Variants in CYFIP1 observed in about 807,000 individuals in gnomAD.
CYFIP1 encodes the protein cytoplasmic FMR1 interacting protein 1, also known as cytoplasmic FMR1-interacting protein 1.
Under a neutral mutation model 163.5 loss-of-function variants are expected in CYFIP1, and 58 were observed. That is an observed-to-expected ratio of 0.35 (90% CI 0.29 to 0.44). The LOEUF (loss-of-function observed/expected upper bound fraction) is 0.44. Among genes scored for constraint, CYFIP1 ranks in the 20% least tolerant of loss-of-function variants. The pLI is 1.00. For missense variants in CYFIP1, 1,338 were observed against 1,653.8 expected (o/e 0.81, Z 3.31); for synonymous variants, 663 against 660.7 (o/e 1.00, Z -0.05).
chr15:22,917,443 C>A lies in CYFIP1; in HGVS notation c.1674+345G>T, dbSNP rs2061025919. The A allele has an allele frequency of 5.5e-6, 3 of 549,220 alleles. No individual in the cohort carries two copies. Among genetic ancestry groups the A allele is most frequent in the Non-Finnish European group, 8.6e-6 (3 of 349,578 alleles). The allele number at this position is 549,220 out of a possible 1,614,324, so 34.0% of individuals were successfully genotyped here. ...CCCACGCCCCATCTACAGTCATTTGCAGACCCAACGTAAAAATTATACAGA... is the reference window on the plus strand; with the variant it reads ...CCCACGCCCCATCTACAGTCATTTGAAGACCCAACGTAAAAATTATACAGA... On this transcript the variant is annotated intron_variant, in intron 15 of 30. Transcript: ENST00000617928. This position sits in a 1 kb window ranked among gnomAD's most constrained non-coding sequence, Gnocchi z 4.2.
Position 22,870,038 on chromosome 15 carries a change from G to A in CYFIP1, c.3752C>T (p.Ala1251Val). 2 of 1,603,246 alleles carry A rather than the reference G, an allele frequency of 1.2e-6. No homozygotes were observed. Among genetic ancestry groups the A allele is most frequent in the Non-Finnish European group, 1.7e-6 (2 of 1,176,374 alleles). The change falls in exon 31 of 31, where the codon GCC (alanine) becomes GTC (valine). Residue 1251 changes from alanine to valine, a missense_variant. By Grantham distance (64) the Ala-to-Val change is moderately conservative (BLOSUM62 0). Coordinates refer to ENST00000617928, the MANE Select transcript of CYFIP1 (RefSeq NM_014608.6). ...GTGCAGCGCGTGCCCTCAGCTGCTG[G>A]CGAGGGACTGGTGGATGGGCGGCTG... ...CFQPPIHQSL[A>V]SS
chr15:22,934,584 A>G (rs1345517272), intron 9 of CYFIP1, among the ~76,000 whole-genome samples: 2 of 125,434 alleles, frequency 1.6e-5, no homozygotes, highest in Non-Finnish European at 3.1e-5. Flanking sequence ...TGCAACCTCT[A>G]CCTCCAGGGT....
At chr15:22,953,610 A>G (rs1460548302) in intron 1 of CYFIP1, among the ~76,000 whole-genome samples, 3 of 152,314 alleles carry the variant, frequency 2.0e-5, no homozygotes, top group Non-Finnish European at 1.5e-5. Context: ...GCCAGTGTCC[A>G]CTGCCCTTGG....
chr15:22,895,673 C>T lies in CYFIP1; in HGVS notation c.2589-2696G>A, dbSNP rs572872333. On this transcript the variant is annotated intron_variant, in intron 22 of 30. Coordinates refer to ENST00000617928, the MANE Select transcript of CYFIP1 (RefSeq NM_014608.6). Reference sequence around the variant, plus strand: ...GGGGCTGGCCACACCAGAAAGACAGCATGGGGTTAGAGGCCTGGGGCTGTG... The same window carrying T: ...GGGGCTGGCCACACCAGAAAGACAGTATGGGGTTAGAGGCCTGGGGCTGTG... Among the ~76,000 whole-genome samples, 49 of 152,288 alleles carry T rather than the reference C, an allele frequency of 3.2e-4. 2 individuals are homozygous for T. The South Asian group carries it at 9.3e-3, about 29-fold the overall frequency.
chr15:22,976,314 T>C (rs548142821), intron 1 of CYFIP1, among the ~76,000 whole-genome samples: 38 of 152,240 alleles, frequency 2.5e-4, no homozygotes, highest in African/African-American at 7.7e-4. Context: ...CACGCCACCA[T>C]GCCCAACTAA....
At chr15:22,908,315 G>C (rs2060652771) in intron 21 of CYFIP1, among the ~76,000 whole-genome samples, 1 of 151,992 alleles carries the variant, frequency 6.6e-6, no homozygotes, top group Admixed American at 6.6e-5. Context: ...GCCGAAAAAT[G>C]GGTGAGCGCC....
At chr15:22,901,681 C>T (rs185393785) in intron 22 of CYFIP1, among the ~76,000 whole-genome samples, 178 of 152,346 alleles carry the variant, frequency 1.2e-3, no homozygotes, top group Admixed American at 1.8e-3. Context: ...GCTCACTAAC[C>T]GGAAGTTAGG....
chr15:22,901,008 G>T (rs2060377899), intron 22 of CYFIP1, among the ~76,000 whole-genome samples: 1 of 151,688 alleles, frequency 6.6e-6, no homozygotes. Flanking sequence ...TTTGAGATCA[G>T]CCTGGCCAAC....
rs2060697666 is a variant in CYFIP1 at position 22,909,206 on chromosome 15, C to A, written c.2376G>T (p.Leu792Phe). 1 of 1,613,996 alleles carries A rather than the reference C, an allele frequency of 6.2e-7. No individual in the cohort carries two copies. The highest frequency in any genetic ancestry group is 8.5e-7 in the Non-Finnish European group (1 of 1,180,002). ...TGAAATTACTTACAACTATGGAGGTCAAATCTTCACTTTCAAATCGTCCAA... is the reference window on the plus strand; with the variant it reads ...TGAAATTACTTACAACTATGGAGGTAAAATCTTCACTTTCAAATCGTCCAA... Reference protein sequence around the residue: ...LAIGRFESEDLTSIVELDGLL... With the variant: ...LAIGRFESEDFTSIVELDGLL... The change falls in exon 21 of 31, where the codon TTG becomes TTT. Residue 792 changes from leucine (L) to phenylalanine (F), a missense_variant. Around this residue, in one of 4 missense-constraint regions of CYFIP1, gnomAD observed 824 missense variants for 995.7 expected, o/e 0.83. Coordinates refer to ENST00000617928, the MANE Select transcript of CYFIP1 (RefSeq NM_014608.6).
chr15:22,887,425 T>C (rs2059955183), intron 23 of CYFIP1, among the ~76,000 whole-genome samples: 1 of 152,230 alleles, frequency 6.6e-6, no homozygotes, highest in Non-Finnish European at 1.5e-5. Flanking sequence ...GGGCTTTATG[T>C]GCTGGGATTC....
intron 6 of CYFIP1, 86 bp from the exon 7 acceptor site, chr15:22,939,593 G>A: frequency 1.1e-6 from 1 of 952,146 alleles, no homozygotes; most frequent in Non-Finnish European, 1.5e-6. Flanking sequence ...CCTGGTTCGA[G>A]TGGGATCCCT....
intron 13 of CYFIP1, among the ~76,000 whole-genome samples, chr15:22,923,942 CAAA>C (rs916058496): frequency 2.1e-4 from 13 of 61,794 alleles, no homozygotes; most frequent in South Asian, 7.8e-4. Context: ...ACCTTGTCTC[CAAA>C]AAAAAAAAAA....
At chr15:22,960,059 T>C (rs958293506) in intron 1 of CYFIP1, among the ~76,000 whole-genome samples, 1 of 152,176 alleles carries the variant, frequency 6.6e-6, no homozygotes, top group African/African-American at 2.4e-5. Context: ...CACGAGGAGC[T>C]GCAGGCTCCC....
chr15:22,882,452 C>T (rs971277900), intron 24 of CYFIP1, among the ~76,000 whole-genome samples: 2 of 152,170 alleles, frequency 1.3e-5, no homozygotes, highest in African/African-American at 4.8e-5. Flanking sequence ...GGTCTCAAGT[C>T]ACAGAAGATT....
chr15:22,931,835 A>G (rs1204564408), intron 11 of CYFIP1, among the ~76,000 whole-genome samples: 6 of 152,036 alleles, frequency 3.9e-5, no homozygotes, highest in Non-Finnish European at 8.8e-5. Flanking sequence ...GTGGTCCCAT[A>G]AGATTATAAT....
chr15:22,933,747 G>A (rs972760532), intron 10 of CYFIP1, 55 bp downstream of exon 10: 42 of 1,301,862 alleles, frequency 3.2e-5, no homozygotes, highest in African/African-American at 3.1e-4. Flanking sequence ...TTTGAAAACC[G>A]CACAATGAGG....
Position 22,917,993 on chromosome 15 carries a change from A to G in CYFIP1, c.1527-58T>C. The G allele has an allele frequency of 6.4e-7, 1 of 1,566,354 alleles. No individual in the cohort carries two copies. The highest frequency in any genetic ancestry group is 8.7e-7 in the Non-Finnish European group (1 of 1,152,370). ...AGAGGCCGAGACCTCCAGCCTCACA[A>G]TCACACCATCTCCTCACCCAACTAC... On this transcript the variant is annotated intron_variant, in intron 14 of 30. Transcript: ENST00000617928. This position sits in a 1 kb window ranked among gnomAD's most constrained non-coding sequence, Gnocchi z 4.2.
intron 1 of CYFIP1, among the ~76,000 whole-genome samples, chr15:22,977,224 C>T (rs1306175246): frequency 1.3e-5 from 2 of 151,570 alleles, no homozygotes; most frequent in Non-Finnish European, 1.5e-5. Flanking sequence ...AAAATAAGGT[C>T]GCCTTCTGTG....
intron 22 of CYFIP1, among the ~76,000 whole-genome samples, chr15:22,897,663 T>C (rs982374836): frequency 2.6e-5 from 4 of 152,136 alleles, no homozygotes; most frequent in Middle Eastern, 3.4e-3. Context: ...TTTGTATTTT[T>C]AGTAGAGGTG....
Sources: allele counts gnomAD v4.1 joint callset (sites outside exome capture counted in the v4.1 genomes callset), GRCh38; gene constraint gnomAD v4.1.1; regional missense constraint gnomAD v4.1.1; non-coding constraint Gnocchi (gnomAD v3.1); transcripts MANE v1.5; gene names NCBI Gene and HGNC (gene_info 2026-07-23, HGNC 2026-07-21).